The following PTCD1 variants were observed in gnomAD, a reference collection of about 807,000 sequenced individuals.
PTCD1 encodes pentatricopeptide repeat-containing protein 1, mitochondrial.
A neutral mutation model predicts 53.4 loss-of-function variants in PTCD1; 50 were observed. That is an observed-to-expected ratio of 0.94 (90% CI 0.75 to 1.19). The LOEUF is 1.19. PTCD1 is among the 50% of genes most tolerant of loss of function. The pLI is 0.00. For missense variants in PTCD1, 918 were observed against 904.8 expected (o/e 1.01, Z -0.19); for synonymous variants, 413 against 394.8 (o/e 1.05, Z -0.55).
rs1256400902 is a variant in PTCD1 at position 99,426,861 on chromosome 7, G to A, written c.916-1245C>T. Among the ~76,000 whole-genome samples, 52 of 150,858 alleles carry A rather than the reference G, an allele frequency of 3.4e-4. 1 individual carries two copies. Among genetic ancestry groups the A allele is most frequent in the South Asian group, 2.5e-3 (12 of 4,768 alleles). ...TGGGATGTGAGGAGCGCCTCTGCCC[G>A]GCCGCGACCCCGTCTGGGAGGTGAG... On this transcript the variant is annotated intron_variant, in intron 5 of 7. Coordinates refer to ENST00000292478, the MANE Select transcript of PTCD1 (RefSeq NM_015545.4).
chr7:99,432,014 CTCCAATCTCGAG>C (rs1386736072), intron 3 of PTCD1, among the ~76,000 whole-genome samples: 1 of 152,234 alleles, frequency 6.6e-6, no homozygotes, highest in Non-Finnish European at 1.5e-5. Flanking sequence ...CATCGCCATT[CTCCAATCTCGAG>C]TACCCAGGGA....
At position 99,419,457 on chromosome 7, in the gene PTCD1, CCCTGGACTCTGGACTTCGCAGGTT is replaced by C; in HGVS notation, c.*486_*509del. The stretch of plus-strand genomic sequence containing the variant: ...CTCTGGCTGAGGCTGGCGCGCTCCA[CCCTGGACTCTGGACTTCGCAGGTT>C]CCTGCCTGTCACGCCACCCCCTTCC... On this transcript the variant is annotated 3_prime_UTR_variant, in exon 8 of 8. Transcript: ENST00000292478. 1 of 1,610,102 alleles carries C rather than the reference CCCTGGACTCTGGACTTCGCAGGTT, an allele frequency of 6.2e-7. No individual in the cohort carries two copies. Among genetic ancestry groups the C allele is most frequent in the Non-Finnish European group, 8.5e-7 (1 of 1,179,962 alleles).
intron 1 of PTCD1, 23 bp from the exon 2 acceptor site, chr7:99,435,291 A>G (rs1796415524): frequency 1.3e-6 from 2 of 1,599,458 alleles, no homozygotes; most frequent in African/African-American, 1.3e-5. Context: ...AGGAAAAATA[A>G]GAGAGTCAAC....
rs1015579206 is a variant in PTCD1, at chr7:99,417,214, G to A, written c.*2753C>T. The A allele has an allele frequency of 8.7e-6, 4 of 459,506 alleles. No individual in the cohort carries two copies. The highest frequency in any genetic ancestry group is 4.4e-5 in the East Asian group (1 of 22,530). The allele number at this position is 459,506 out of a possible 1,614,324, so 28.5% of individuals were successfully genotyped here. A position where few individuals can be genotyped will look rare whatever the true frequency, so the allele number is the denominator to read the frequency against. On this transcript the variant is annotated 3_prime_UTR_variant, in exon 8 of 8. Transcript: ENST00000292478. ...TGGGATTACAGCTGCTACCACGCCCGAGTAATTTTTGTATTTTTAGTAGAG... is the reference window on the plus strand; with the variant it reads ...TGGGATTACAGCTGCTACCACGCCCAAGTAATTTTTGTATTTTTAGTAGAG...
In PTCD1 at chr7:99,419,759, C is replaced by G. The variant is rs986851490; in HGVS notation, c.*208G>C. 1 of 786,238 alleles carries G rather than the reference C, an allele frequency of 1.3e-6. No homozygotes were observed. Among genetic ancestry groups the G allele is most frequent in the Non-Finnish European group, 2.0e-6 (1 of 502,934 alleles). 48.7% of individuals were successfully genotyped at this position (786,238 alleles called of 1,614,324 possible). On this transcript the variant is annotated 3_prime_UTR_variant, in exon 8 of 8. Coordinates refer to ENST00000292478, the MANE Select transcript of PTCD1 (RefSeq NM_015545.4). ...GGAGCTGGAAGTCCCGTGAAGGTGACACGCAAAGGTGGCTGGAGCTGCACT... is the reference window on the plus strand; with the variant it reads ...GGAGCTGGAAGTCCCGTGAAGGTGAGACGCAAAGGTGGCTGGAGCTGCACT...
Position 99,435,286 on chromosome 7 carries a change from A to G in PTCD1, c.-26-18T>C. The G allele has an allele frequency of 6.3e-7, 1 of 1,599,670 alleles. No homozygotes were observed. The highest frequency in any genetic ancestry group is 1.1e-5 in the South Asian group (1 of 91,056). On this transcript the variant is annotated intron_variant, in intron 1 of 7. Transcript: ENST00000292478. ...TCCAGGGCCTGGAATATATCAGGAA[A>G]AATAAGAGAGTCAACTCAGTTCCTA...
In PTCD1 at chr7:99,419,744, G is replaced by A. The variant is rs923792249; in HGVS notation, c.*223C>T. 5.4e-6 allele frequency: 4 copies of A among 740,850 alleles called. No homozygotes were observed. In the African/African-American group the frequency reaches 7.1e-5, roughly 13 times the overall value. The allele number at this position is 740,850 out of a possible 1,614,324, so 45.9% of individuals were successfully genotyped here. On this transcript the variant is annotated 3_prime_UTR_variant, in exon 8 of 8. Transcript: ENST00000292478. ...CACACAAAGGTAGCTGGAGCTGGAA[G>A]TCCCGTGAAGGTGACACGCAAAGGT...
At chr7:99,435,809 C>T (rs1796443999) in intron 1 of PTCD1, among the ~76,000 whole-genome samples, 1 of 151,308 alleles carries the variant, frequency 6.6e-6, no homozygotes, top group South Asian at 2.1e-4. Flanking sequence ...TGGTGCTACA[C>T]GTCTAATCCC....
Position 99,421,542 on chromosome 7 carries a change from A to G in PTCD1, c.1921-1393T>C, listed in dbSNP as rs370543783. On this transcript the variant is annotated intron_variant, in intron 7 of 7. Transcript: ENST00000292478. ...GGTGGATCACGAGGTCGGGAGTTCA[A>G]GACCAGCCTGGCCAAGATGGTGAAA... Among the ~76,000 whole-genome samples, 11 of 151,624 alleles carry G rather than the reference A, an allele frequency of 7.3e-5. No homozygotes were observed. The South Asian group carries it at 1.5e-3, about 20-fold the overall frequency.
intron 2 of PTCD1, among the ~76,000 whole-genome samples, chr7:99,434,021 CA>C: frequency 6.8e-6 from 1 of 146,912 alleles, no homozygotes; most frequent in East Asian, 2.0e-4. Flanking sequence ...CACTGCACTC[CA>C]GCCTGGGTGA....
At chr7:99,422,134 T>G (rs1005051890) in intron 7 of PTCD1, among the ~76,000 whole-genome samples, 2 of 152,212 alleles carry the variant, frequency 1.3e-5, no homozygotes, top group Non-Finnish European at 2.9e-5. Flanking sequence ...AGAAAAGGCT[T>G]GCAACCAACA....
Position 99,435,205 on chromosome 7 carries a change from GC to G in PTCD1, c.37del (p.Ala13ProfsTer26). ...FVRLARLFARARPMGLFILQH... is the reference protein window; with the variant it reads ...FVRLARLFARXRPMGLFILQH... The stretch of plus-strand genomic sequence containing the variant: ...CAGGATGAACAGTCCCATGGGGCGG[GC>G]CCTGGCGAACAGTCGAGCGAGTCTC... On this transcript the variant is annotated frameshift_variant, in exon 2 of 8. Coordinates refer to ENST00000292478, the MANE Select transcript of PTCD1 (RefSeq NM_015545.4). LOFTEE classifies it high-confidence loss of function. The G allele has an allele frequency of 6.2e-7, 1 of 1,604,472 alleles. No homozygotes were observed.
chr7:99,424,267 C>T (rs1218729894), intron 6 of PTCD1, among the ~76,000 whole-genome samples: 1 of 152,194 alleles, frequency 6.6e-6, no homozygotes, highest in Non-Finnish European at 1.5e-5. Context: ...CGCACGGTCA[C>T]CAGGTGGTGG....
intron 3 of PTCD1, among the ~76,000 whole-genome samples, chr7:99,430,047 A>T (rs1796199750): frequency 6.6e-6 from 1 of 152,176 alleles, no homozygotes; most frequent in South Asian, 2.1e-4. Flanking sequence ...TGCCCTGGGC[A>T]CTTGTCAGCC....
At chr7:99,430,372 A>C (rs558498199) in intron 3 of PTCD1, among the ~76,000 whole-genome samples, 1 of 152,326 alleles carries the variant, frequency 6.6e-6, no homozygotes, top group East Asian at 1.9e-4. Flanking sequence ...CAGGGGACTA[A>C]GGCATGTGCT....
At position 99,418,844 on chromosome 7, in the gene PTCD1, A is replaced by C. The variant is rs1795658172; in HGVS notation, c.*1123T>G. 6.5e-6 allele frequency: 1 copy of C among 153,614 alleles called. No homozygotes were observed. Among genetic ancestry groups the C allele is most frequent in the African/African-American group, 2.4e-5 (1 of 41,472 alleles). 9.5% of individuals were successfully genotyped at this position (153,614 alleles called of 1,614,324 possible). A position where few individuals can be genotyped will look rare whatever the true frequency, so the allele number is the denominator to read the frequency against. ...TATGGTCTTGTTCTTCCAAAAAAAG[A>C]ACTTGAAAAAGTAAAATAAACACAA... On this transcript the variant is annotated 3_prime_UTR_variant, in exon 8 of 8. Coordinates refer to ENST00000292478, the MANE Select transcript of PTCD1 (RefSeq NM_015545.4).
intron 2 of PTCD1, among the ~76,000 whole-genome samples, chr7:99,433,709 G>A (rs892054285): frequency 1.3e-5 from 2 of 152,124 alleles, no homozygotes; most frequent in African/African-American, 4.8e-5. Flanking sequence ...CTGCATATAC[G>A]GCTGGGAACA....
chr7:99,423,778 G>C lies in PTCD1; in HGVS notation c.1917C>G (p.Asp639Glu). Residue 639 changes from aspartate (D) to glutamate (E), a missense_variant, in exon 7 of 8, where the codon GAC becomes GAG. Transcript: ENST00000292478. ...EFAAQYPPTF[D>E]RYQGKNTYLE... ...CTTTTGAGCTTGGGGCACACACCCG[G>C]TCAAAGGTGGGAGGGTACTGGGCTG... The C allele has an allele frequency of 6.2e-7, 1 of 1,614,070 alleles. No individual in the cohort carries two copies.
At chr7:99,433,128 C>G (rs538186957) in intron 3 of PTCD1, 150 bp downstream of exon 3, 2 of 1,264,216 alleles carry the variant, frequency 1.6e-6, no homozygotes, top group South Asian at 2.4e-5. Flanking sequence ...TCTCGTTTAT[C>G]ACCCACAATC....
Sources: gnomAD v4.1 joint callset for allele counts (sites outside exome capture counted in the v4.1 genomes callset) on GRCh38, gnomAD v4.1.1 for gene constraint, MANE v1.5 for transcripts, NCBI Gene and HGNC (gene_info 2026-07-23, HGNC 2026-07-21) for gene names.